ADAMTS12: variants seen among roughly 807,000 people sequenced by gnomAD.
The protein encoded by ADAMTS12 is ADAM metallopeptidase with thrombospondin type 1 motif 12, also known as A disintegrin and metalloproteinase with thrombospondin motifs 12.
A neutral mutation model predicts 167.8 loss-of-function variants in ADAMTS12; 118 were observed. That is an observed-to-expected ratio of 0.70 (90% CI 0.61 to 0.82). The LOEUF is 0.82. ADAMTS12 is among the 40% of genes least tolerant of loss of function. The pLI, the probability that ADAMTS12 is intolerant of heterozygous loss-of-function variation, is 0.00. For synonymous variants in ADAMTS12, 704 were observed against 716.9 expected (o/e 0.98, Z 0.29); for missense variants, 1,916 against 1,998.8 (o/e 0.96, Z 0.79).
intron 16 of ADAMTS12, among the ~76,000 whole-genome samples, chr5:33,606,932 G>T (rs889619596): frequency 6.6e-6 from 1 of 152,136 alleles, no homozygotes; most frequent in Non-Finnish European, 1.5e-5. Flanking sequence ...AGTAAGCTTT[G>T]TCAAAGGAAT....
chr5:33,780,422 G>T (rs1314768615), intron 2 of ADAMTS12, among the ~76,000 whole-genome samples: 1 of 152,132 alleles, frequency 6.6e-6, no homozygotes, highest in Non-Finnish European at 1.5e-5. Context: ...GGGATTCAAT[G>T]ATATTTTTAC....
intron 3 of ADAMTS12, among the ~76,000 whole-genome samples, chr5:33,749,760 A>G (rs572198154): frequency 5.3e-5 from 8 of 152,318 alleles, no homozygotes; most frequent in Non-Finnish European, 1.2e-4. Flanking sequence ...ATAGGGGGCC[A>G]TGATAGTTGT....
intron 17 of ADAMTS12, among the ~76,000 whole-genome samples, chr5:33,593,061 G>A (rs2112023974): frequency 6.6e-6 from 1 of 152,282 alleles, no homozygotes; most frequent in African/African-American, 2.4e-5. Context: ...TGGATCACTT[G>A]AGGTCAGGAG....
chr5:33,551,892 T>A lies in ADAMTS12; in HGVS notation c.4126-2509A>T, dbSNP rs115138566. On this transcript the variant is annotated intron_variant, in intron 20 of 23. Transcript: ENST00000504830. ...TTTGCTTTTGTGTGCTGAATGACAA[T>A]TGTTATGTTATATTCATTTTCTTAT... Among the ~76,000 whole-genome samples, 1,123 of 152,350 alleles carry A rather than the reference T, an allele frequency of 7.4e-3. 13 individuals are homozygous for A. The highest frequency in any genetic ancestry group is 0.026 in the African/African-American group (1,066 of 41,578).
chr5:33,630,664 T>TA, intron 13 of ADAMTS12, 116 bp downstream of exon 13: 2 of 1,147,504 alleles, frequency 1.7e-6, no homozygotes, highest in Non-Finnish European at 1.2e-6. Context: ...GAACTATATA[T>TA]AAAAAACAGA....
At chr5:33,867,946 T>A (rs1465983562) in intron 2 of ADAMTS12, among the ~76,000 whole-genome samples, 1 of 152,160 alleles carries the variant, frequency 6.6e-6, no homozygotes, top group Non-Finnish European at 1.5e-5. Context: ...GCTGGTCTCA[T>A]GATAGGGAGT....
chr5:33,639,182 C>T (rs947977244), intron 11 of ADAMTS12, among the ~76,000 whole-genome samples: 21 of 152,200 alleles, frequency 1.4e-4, no homozygotes, highest in African/African-American at 5.1e-4. Flanking sequence ...GTAACTAACA[C>T]AGAATGAGAG....
rs1743685070 is a variant in ADAMTS12 at position 33,523,759 on chromosome 5, T to C, written c.*3429A>G. 6.6e-6 allele frequency: 1 copy of C among 152,214 alleles called. No individual in the cohort carries two copies. The highest frequency in any genetic ancestry group is 2.1e-4 in the South Asian group (1 of 4,830). 9.4% of individuals were successfully genotyped at this position (152,214 alleles called of 1,614,324 possible). A position where few individuals can be genotyped will look rare whatever the true frequency, so the allele number is the denominator to read the frequency against. ...ATTGTGCTTTACCCACCATGTTTTT[T>C]AGTAACATAACTTAGAATACTACTT... On this transcript the variant is annotated 3_prime_UTR_variant, in exon 24 of 24. Coordinates refer to ENST00000504830, the MANE Select transcript of ADAMTS12 (RefSeq NM_030955.4).
At chr5:33,643,349 C>T in intron 10 of ADAMTS12, 29 bp downstream of exon 10, 10 of 1,612,010 alleles carry the variant, frequency 6.2e-6, no homozygotes, top group Non-Finnish European at 8.5e-6. Context: ...CACCGCCCTC[C>T]CACCTCATTC....
At chr5:33,826,620 T>C (rs1006783500) in intron 2 of ADAMTS12, among the ~76,000 whole-genome samples, 1 of 151,848 alleles carries the variant, frequency 6.6e-6, no homozygotes, top group South Asian at 2.1e-4. Flanking sequence ...TTGAGTTTAA[T>C]TCTTTGAAAA....
rs375612192 is a variant in ADAMTS12 at position 33,534,918 on chromosome 5, T to C, written c.4521A>G (p.Glu1507=). Residue 1507 remains glutamate (E), a synonymous_variant, in exon 23 of 24, where the codon GAA becomes GAG. Transcript: ENST00000504830. ...QCVPSEGNKT[E]DQDQCLCDHK... is the part of the protein sequence containing the mutation. The stretch of plus-strand genomic sequence containing the variant: ...GATCACATAGACATTGGTCTTGGTC[T>C]TCAGTTTTATTGCCCTCTGAGGGCA... 1.2e-6 allele frequency: 2 copies of C among 1,613,986 alleles called. No homozygotes were observed. Among genetic ancestry groups the C allele is most frequent in the African/African-American group, 2.7e-5 (2 of 74,916 alleles).
chr5:33,849,543 C>CATAGCAATAT (rs1749123819), intron 2 of ADAMTS12, among the ~76,000 whole-genome samples: 2 of 95,358 alleles, frequency 2.1e-5, no homozygotes, highest in African/African-American at 9.8e-5. Context: ...GCAATATATA[C>CATAGCAATAT]ATATATGTAC....
intron 2 of ADAMTS12, among the ~76,000 whole-genome samples, chr5:33,813,479 G>C (rs958633514): frequency 1.3e-5 from 2 of 152,186 alleles, no homozygotes; most frequent in Admixed American, 6.5e-5. Flanking sequence ...TACACTCTGA[G>C]TGGTGGAGTA....
intron 22 of ADAMTS12, among the ~76,000 whole-genome samples, chr5:33,540,171 G>A (rs112500743): frequency 0.033 from 5,020 of 152,338 alleles, 295 homozygotes; most frequent in African/African-American, 0.11. Flanking sequence ...TGCCTGGTTC[G>A]GCAGGTCCCA....
intron 3 of ADAMTS12, among the ~76,000 whole-genome samples, chr5:33,715,203 T>C (rs34517117): frequency 0.14 from 21,490 of 152,030 alleles, 1,862 homozygotes; most frequent in East Asian, 0.27. Flanking sequence ...AAATTTCATT[T>C]CATTCAATAG....
chr5:33,738,446 G>A (rs1744444243), intron 3 of ADAMTS12, among the ~76,000 whole-genome samples: 2 of 152,148 alleles, frequency 1.3e-5, no homozygotes, highest in Non-Finnish European at 1.5e-5. Flanking sequence ...TGTCTTTGAT[G>A]CCTCCTGCAT....
intron 22 of ADAMTS12, among the ~76,000 whole-genome samples, chr5:33,538,522 C>A (rs1015553019): frequency 2.0e-5 from 3 of 152,120 alleles, no homozygotes; most frequent in Non-Finnish European, 2.9e-5. Context: ...TTGCTCAGTG[C>A]CCATATCTGG....
intron 2 of ADAMTS12, among the ~76,000 whole-genome samples, chr5:33,779,156 G>T (rs528387816): frequency 6.6e-6 from 1 of 151,320 alleles, no homozygotes; most frequent in South Asian, 2.1e-4. Context: ...TCACTTCTGG[G>T]TATATATCCA....
At chr5:33,869,756 C>T (rs1749964938) in intron 2 of ADAMTS12, among the ~76,000 whole-genome samples, 1 of 152,110 alleles carries the variant, frequency 6.6e-6, no homozygotes, top group South Asian at 2.1e-4. Context: ...GATCCATGTC[C>T]CACTGGGCAC....
Sources: gnomAD v4.1 joint callset for allele counts (sites outside exome capture counted in the v4.1 genomes callset) on GRCh38, gnomAD v4.1.1 for gene constraint, MANE v1.5 for transcripts, NCBI Gene and HGNC (gene_info 2026-07-23, HGNC 2026-07-21) for gene names.